The following CDH18 variants were observed in gnomAD, a reference collection of about 807,000 sequenced individuals.
The protein encoded by CDH18 is cadherin-18.
Under a neutral mutation model 67.9 loss-of-function variants are expected in CDH18, and 31 were observed. The observed-to-expected ratio is 0.46, with a 90% confidence interval of 0.34 to 0.62. CDH18 has a LOEUF of 0.62. Among genes scored for constraint, CDH18 ranks in the 20% least tolerant of loss-of-function variants. The pLI, the probability that CDH18 is intolerant of heterozygous loss-of-function variation, is 0.01. For missense variants in CDH18, 890 were observed against 975.5 expected, an observed-to-expected ratio of 0.91 and a Z score of 1.17; for synonymous variants, 362 against 347.2, an observed-to-expected ratio of 1.04 and a Z score of -0.48.
chr5:20,375,277 T>C (rs1447085026), intron 1 of CDH18, among the ~76,000 whole-genome samples: 1 of 152,200 alleles, frequency 6.6e-6, no homozygotes, highest in Non-Finnish European at 1.5e-5. Flanking sequence ...CTGGGGACAA[T>C]GATACCTATT....
At chr5:20,083,093 G>A (rs1744626328) in intron 2 of CDH18, among the ~76,000 whole-genome samples, 1 of 152,168 alleles carries the variant, frequency 6.6e-6, no homozygotes, top group African/African-American at 2.4e-5. Context: ...GGGGTACAAT[G>A]ATAAAACAAT....
chr5:19,759,375 G>A (rs900569743), intron 3 of CDH18, among the ~76,000 whole-genome samples: 2 of 152,118 alleles, frequency 1.3e-5, no homozygotes, highest in Admixed American at 6.5e-5. Flanking sequence ...ATTTTTATAG[G>A]TAGAGGCAGC....
chr5:20,425,743 T>C (rs1261271614), intron 1 of CDH18, among the ~76,000 whole-genome samples: 3 of 151,196 alleles, frequency 2.0e-5, no homozygotes, highest in Non-Finnish European at 4.4e-5. Flanking sequence ...GATATAATAT[T>C]ATATTGATTT....
At chr5:20,224,520 GTT>G (rs35344539) in intron 2 of CDH18, among the ~76,000 whole-genome samples, 5 of 148,060 alleles carry the variant, frequency 3.4e-5, no homozygotes. Flanking sequence ...AAATCCTTAG[GTT>G]TTTTTTTTCT....
chr5:19,835,700 A>T (rs527620176), intron 3 of CDH18, among the ~76,000 whole-genome samples: 5 of 152,256 alleles, frequency 3.3e-5, no homozygotes, highest in African/African-American at 1.2e-4. Context: ...GTGGGAGAAA[A>T]AAAATCTGTA....
intron 6 of CDH18, among the ~76,000 whole-genome samples, chr5:19,610,132 C>G (rs147975445): frequency 5.7e-4 from 87 of 152,148 alleles, no homozygotes; most frequent in Non-Finnish European, 1.0e-3. Flanking sequence ...TGTAGTGCCT[C>G]CTTTTCAAAA....
chr5:20,090,753 G>A (rs1183967230), intron 2 of CDH18, among the ~76,000 whole-genome samples: 1 of 151,994 alleles, frequency 6.6e-6, no homozygotes, highest in African/African-American at 2.4e-5. Flanking sequence ...ATACTGGCTG[G>A]GTGCGGTGAC....
intron 10 of CDH18, among the ~76,000 whole-genome samples, chr5:19,509,191 T>C (rs1311269520): frequency 6.6e-6 from 1 of 151,796 alleles, no homozygotes; most frequent in Non-Finnish European, 1.5e-5. Flanking sequence ...AACTCAGAAA[T>C]AGAAAACCAA....
chr5:19,767,280 A>C (rs1169200328), intron 3 of CDH18, among the ~76,000 whole-genome samples: 1 of 152,048 alleles, frequency 6.6e-6, no homozygotes, highest in Non-Finnish European at 1.5e-5. Flanking sequence ...TAAGGTCACA[A>C]ATAATACGTA....
intron 1 of CDH18, among the ~76,000 whole-genome samples, chr5:20,482,943 A>G (rs76900742): frequency 0.08 from 12,180 of 152,044 alleles, 1,539 homozygotes; most frequent in African/African-American, 0.27. Flanking sequence ...GAAATCAGAC[A>G]AGAGAAAAAA....
At chr5:20,379,434 G>T (rs1743736151) in intron 1 of CDH18, among the ~76,000 whole-genome samples, 1 of 152,056 alleles carries the variant, frequency 6.6e-6, no homozygotes, top group Non-Finnish European at 1.5e-5. Flanking sequence ...AAAAAATACA[G>T]TCACAACAGA....
chr5:20,301,789 C>CTTTTTTT (rs59276117), intron 1 of CDH18, among the ~76,000 whole-genome samples: 39 of 128,128 alleles, frequency 3.0e-4, no homozygotes, highest in East Asian at 9.7e-4. Flanking sequence ...TTTCTTTTTT[C>CTTTTTTT]TTTTTTTTTT....
chr5:20,089,195 A>G (rs1450853197), intron 2 of CDH18, among the ~76,000 whole-genome samples: 1 of 152,132 alleles, frequency 6.6e-6, no homozygotes, highest in East Asian at 1.9e-4. Context: ...AATTACAAAT[A>G]TATCAGGTAA....
intron 1 of CDH18, among the ~76,000 whole-genome samples, chr5:20,414,907 C>G (rs1747158082): frequency 1.3e-5 from 2 of 151,986 alleles, no homozygotes; most frequent in Non-Finnish European, 2.9e-5. Flanking sequence ...AATGGTGTAG[C>G]CACAATGGAA....
chr5:20,167,884 A>G (rs1459860067), intron 2 of CDH18, among the ~76,000 whole-genome samples: 1 of 152,194 alleles, frequency 6.6e-6, no homozygotes, highest in Non-Finnish European at 1.5e-5. Flanking sequence ...TGCTTTAACC[A>G]AACTGGAAGC....
intron 1 of CDH18, among the ~76,000 whole-genome samples, chr5:20,313,946 G>C (rs79153342): frequency 0.038 from 5,732 of 151,954 alleles, 269 homozygotes; most frequent in African/African-American, 0.11. Context: ...TACATATTTT[G>C]ACAGGCACTC....
intron 2 of CDH18, among the ~76,000 whole-genome samples, chr5:19,904,717 C>A (rs1410797494): frequency 6.6e-6 from 1 of 152,122 alleles, no homozygotes; most frequent in African/African-American, 2.4e-5. Context: ...ATTTGAAGTA[C>A]CTTGTTGTAT....
intron 12 of CDH18, among the ~76,000 whole-genome samples, chr5:19,481,586 G>A (rs1739430620): frequency 6.6e-6 from 1 of 152,084 alleles, no homozygotes; most frequent in East Asian, 1.9e-4. Context: ...GGACTCTCTA[G>A]CTTTAAACCT....
intron 2 of CDH18, among the ~76,000 whole-genome samples, chr5:20,041,445 C>A: frequency 6.6e-6 from 1 of 152,252 alleles, no homozygotes; most frequent in Middle Eastern, 3.4e-3. Flanking sequence ...CTTCTCATAC[C>A]ACATTTATAT....
Sources: allele counts gnomAD v4.1 joint callset (sites outside exome capture counted in the v4.1 genomes callset), GRCh38; gene constraint gnomAD v4.1.1; transcripts MANE v1.5; gene names NCBI Gene and HGNC (gene_info 2026-07-23, HGNC 2026-07-21).